Variants in NEK11 observed in about 807,000 individuals in gnomAD.
The protein encoded by NEK11 is serine/threonine-protein kinase Nek11.
NEK11 carries 72 observed loss-of-function variants against 80.7 expected under a neutral mutation model. The observed-to-expected ratio is 0.89, with a 90% CI of 0.74 to 1.08. The LOEUF (loss-of-function observed/expected upper bound fraction) is 1.08. NEK11 is among the 50% of genes least tolerant of loss of function. NEK11 has a pLI of 0.00. For synonymous variants in NEK11, 251 were observed against 260.7 expected, an observed-to-expected ratio of 0.96 and a Z score of 0.36; for missense variants, 764 against 763.6, an observed-to-expected ratio of 1.00 and a Z score of -0.01.
At chr3:131,236,611 G>C (rs2095435777) in intron 15 of NEK11, among the ~76,000 whole-genome samples, 1 of 152,192 alleles carries the variant, frequency 6.6e-6, no homozygotes, top group Non-Finnish European at 1.5e-5. Context: ...CAGCAATTCG[G>C]AATTCAGTGA....
At chr3:131,070,793 T>A (rs2073141007) in intron 3 of NEK11, among the ~76,000 whole-genome samples, 1 of 152,142 alleles carries the variant, frequency 6.6e-6, no homozygotes, top group African/African-American at 2.4e-5. Flanking sequence ...GAGACAAAAG[T>A]CTATTCTTCA....
intron 14 of NEK11, among the ~76,000 whole-genome samples, chr3:131,186,131 A>T (rs950114211): frequency 1.3e-5 from 2 of 152,208 alleles, no homozygotes; most frequent in Non-Finnish European, 2.9e-5. Flanking sequence ...CAAGTTTCAC[A>T]TAAAACCTTT....
At chr3:131,040,598 A>G (rs764118775) in intron 3 of NEK11, among the ~76,000 whole-genome samples, 29 of 152,172 alleles carry the variant, frequency 1.9e-4, no homozygotes, top group Non-Finnish European at 3.7e-4. Context: ...TCATTATGAA[A>G]CTTGATACTT....
intron 14 of NEK11, among the ~76,000 whole-genome samples, chr3:131,213,374 G>A (rs1355244093): frequency 6.6e-6 from 1 of 152,192 alleles, no homozygotes. Flanking sequence ...GAGACCAGAG[G>A]TGGAAAAGAG....
At chr3:131,264,035 A>C (rs1485560823) in intron 16 of NEK11, among the ~76,000 whole-genome samples, 12 of 152,058 alleles carry the variant, frequency 7.9e-5, no homozygotes, top group African/African-American at 4.8e-5. Context: ...CTGTTCATAT[A>C]CTTTGCCCAC....
At chr3:131,321,090 G>A (rs1032436233) in intron 17 of NEK11, among the ~76,000 whole-genome samples, 3 of 152,032 alleles carry the variant, frequency 2.0e-5, no homozygotes, top group South Asian at 2.1e-4. Context: ...CACATTACCC[G>A]GCTTCAAACT....
chr3:131,271,880 C>T (rs1273831853), intron 16 of NEK11, among the ~76,000 whole-genome samples: 7 of 151,834 alleles, frequency 4.6e-5, no homozygotes, highest in Admixed American at 3.9e-4. Context: ...CACCTGAGCT[C>T]GGGAGTTTAA....
intron 7 of NEK11, among the ~76,000 whole-genome samples, chr3:131,144,732 C>T (rs780567544): frequency 4.1e-4 from 62 of 152,196 alleles, no homozygotes; most frequent in Non-Finnish European, 6.8e-4. Context: ...CAGTTACTGG[C>T]GCCCATTCCA....
At chr3:131,246,824 G>C (rs2095609994) in intron 16 of NEK11, among the ~76,000 whole-genome samples, 1 of 152,006 alleles carries the variant, frequency 6.6e-6, no homozygotes, top group Admixed American at 6.6e-5. Context: ...GAGTGAGGTG[G>C]TATCACATTA....
intron 14 of NEK11, among the ~76,000 whole-genome samples, chr3:131,178,518 T>C (rs1201051332): frequency 6.6e-6 from 1 of 152,226 alleles, no homozygotes; most frequent in East Asian, 1.9e-4. Context: ...AAAAACGAAG[T>C]CACGAACACA....
intron 14 of NEK11, among the ~76,000 whole-genome samples, chr3:131,211,539 T>C (rs1159853288): frequency 6.6e-6 from 1 of 152,228 alleles, no homozygotes; most frequent in East Asian, 1.9e-4. Flanking sequence ...GGGAAGTTCT[T>C]CTGGATAATA....
chr3:131,078,772 T>G (rs930185161), intron 3 of NEK11, among the ~76,000 whole-genome samples: 2 of 151,650 alleles, frequency 1.3e-5, no homozygotes, highest in Non-Finnish European at 2.9e-5. Flanking sequence ...ATGACATTAA[T>G]TAAAACATTT....
chr3:131,033,397 A>G (rs1451822052), intron 3 of NEK11, among the ~76,000 whole-genome samples: 1 of 152,192 alleles, frequency 6.6e-6, no homozygotes, highest in Admixed American at 6.5e-5. Context: ...TATTCCTTCA[A>G]CACATCAGAA....
intron 17 of NEK11, among the ~76,000 whole-genome samples, chr3:131,297,345 A>G (rs2096606151): frequency 6.6e-6 from 1 of 152,050 alleles, no homozygotes; most frequent in Admixed American, 6.5e-5. Flanking sequence ...CTTTTTAATG[A>G]TTGCCATTCT....
chr3:131,266,671 A>C (rs1448955266), intron 16 of NEK11, among the ~76,000 whole-genome samples: 2 of 152,220 alleles, frequency 1.3e-5, no homozygotes, highest in Non-Finnish European at 2.9e-5. Flanking sequence ...GCTGAGAAGA[A>C]TGTATATTCT....
chr3:131,243,309 G>T, intron 15 of NEK11, 127 bp from the exon 16 acceptor site: 2 of 701,602 alleles, frequency 2.9e-6, no homozygotes, highest in African/African-American at 1.8e-5. Flanking sequence ...TTAAAAATAG[G>T]ATTATACTGA....
intron 17 of NEK11, among the ~76,000 whole-genome samples, chr3:131,318,188 G>A (rs1272801896): frequency 6.6e-6 from 1 of 152,112 alleles, no homozygotes; most frequent in Non-Finnish European, 1.5e-5. Context: ...AGGGAGATAG[G>A]GAAGGAGGGA....
At chr3:131,259,572 A>G (rs1304862889) in intron 16 of NEK11, among the ~76,000 whole-genome samples, 1 of 152,088 alleles carries the variant, frequency 6.6e-6, no homozygotes, top group Non-Finnish European at 1.5e-5. Context: ...GACCCTGTGG[A>G]CAGAAGGAGA....
chr3:131,040,995 C>A (rs1487040631), intron 3 of NEK11, among the ~76,000 whole-genome samples: 1 of 152,214 alleles, frequency 6.6e-6, no homozygotes, highest in African/African-American at 2.4e-5. Context: ...AGATTTGTGG[C>A]CCCACAGCCC....
Sources: gnomAD v4.1 joint callset for allele counts (sites outside exome capture counted in the v4.1 genomes callset) on GRCh38, gnomAD v4.1.1 for gene constraint, MANE v1.5 for transcripts, NCBI Gene and HGNC (gene_info 2026-07-23, HGNC 2026-07-21) for gene names.